Variants in OR2L3 observed in about 807,000 individuals in gnomAD.
OR2L3 encodes the protein olfactory receptor 2L3.
For missense variants in OR2L3, 369 were observed against 376.6 expected (o/e 0.98, Z 0.17); for synonymous variants, 131 against 139.1 (o/e 0.94, Z 0.41).
chr1:248,055,404 T>C (rs1332174087), intron 1 of OR2L3, among the ~76,000 whole-genome samples: 1 of 152,152 alleles, frequency 6.6e-6, no homozygotes, highest in South Asian at 2.1e-4. Flanking sequence ...AAGTTTTCTT[T>C]TTTTTTTGTT....
At chr1:248,052,383 G>A (rs1663288796) in intron 1 of OR2L3, among the ~76,000 whole-genome samples, 1 of 152,054 alleles carries the variant, frequency 6.6e-6, no homozygotes. Flanking sequence ...TATATGTCTG[G>A]TGCCATTGCC....
intron 1 of OR2L3, among the ~76,000 whole-genome samples, chr1:248,057,706 T>G (rs1663478489): frequency 6.6e-6 from 1 of 152,188 alleles, no homozygotes; most frequent in Non-Finnish European, 1.5e-5. Flanking sequence ...GTATAAAGTT[T>G]TTAACTCCTT....
chr1:248,052,775 C>A (rs1663311354), intron 1 of OR2L3, among the ~76,000 whole-genome samples: 1 of 151,454 alleles, frequency 6.6e-6, no homozygotes, highest in Non-Finnish European at 1.5e-5. Context: ...AAATTTTGTT[C>A]TTTTTCCAAA....
At chr1:248,047,319 C>G (rs1373472593) in intron 1 of OR2L3, among the ~76,000 whole-genome samples, 1 of 151,520 alleles carries the variant, frequency 6.6e-6, no homozygotes, top group East Asian at 1.9e-4. Flanking sequence ...CTTATTGCTA[C>G]TTCTCACTTT....
At chr1:248,056,754 T>A (rs975437546) in intron 1 of OR2L3, among the ~76,000 whole-genome samples, 1 of 150,724 alleles carries the variant, frequency 6.6e-6, no homozygotes, top group African/African-American at 2.4e-5. Flanking sequence ...TTCAAGCAAT[T>A]CTCCTGCCTC....
In OR2L3 at chr1:248,062,296, G is replaced by T. The variant is rs1257471307; in HGVS notation, c.*676G>T. ...GGAACATGCCAGCAGTAATAAAAAT[G>T]ATTACATTTAGGTCTTTAACCTGTT... On this transcript the variant is annotated 3_prime_UTR_variant, in exon 2 of 2. Transcript: ENST00000359959. 6.6e-6 allele frequency: 1 copy of T among 152,182 alleles called. No homozygotes were observed. Among genetic ancestry groups the T allele is most frequent in the East Asian group, 1.9e-4 (1 of 5,202 alleles). The allele number at this position is 152,182 out of a possible 1,614,324, so 9.4% of individuals were successfully genotyped here.
intron 1 of OR2L3, among the ~76,000 whole-genome samples, chr1:248,055,495 C>G (rs1449177109): frequency 6.6e-6 from 1 of 152,078 alleles, no homozygotes; most frequent in African/African-American, 2.4e-5. Context: ...GTGACTCATG[C>G]CTGTAATCCC....
intron 1 of OR2L3, among the ~76,000 whole-genome samples, chr1:248,060,240 T>A (rs1663579520): frequency 2.0e-5 from 3 of 152,212 alleles, no homozygotes; most frequent in Admixed American, 2.0e-4. Context: ...AATAGAGATA[T>A]CTTTCTTATA....
chr1:248,048,716 T>G (rs1367901520), intron 1 of OR2L3, among the ~76,000 whole-genome samples: 1 of 152,214 alleles, frequency 6.6e-6, no homozygotes, highest in African/African-American at 2.4e-5. Context: ...CGGAGATCAG[T>G]TTCTGGAAGT....
Position 248,061,808 on chromosome 1 carries a change from T to C in OR2L3, c.*188T>C, listed in dbSNP as rs1268216230. The stretch of plus-strand genomic sequence containing the variant: ...ATATATAACTCCAAACAACCTTTTT[T>C]CTTCATGGCATTGTTTCCATAAATT... On this transcript the variant is annotated 3_prime_UTR_variant, in exon 2 of 2. Transcript: ENST00000359959. 9.6e-5 allele frequency: 43 copies of C among 449,310 alleles called. No individual in the cohort carries two copies. Among genetic ancestry groups the C allele is most frequent in the Non-Finnish European group, 1.4e-4 (38 of 262,238 alleles). 27.8% of individuals were successfully genotyped at this position (449,310 alleles called of 1,614,324 possible).
intron 1 of OR2L3, among the ~76,000 whole-genome samples, chr1:248,049,379 G>C (rs1255630238): frequency 2.0e-5 from 3 of 152,194 alleles, no homozygotes; most frequent in African/African-American, 7.2e-5. Context: ...TTCTTCATTT[G>C]AAACTTGGGC....
intron 1 of OR2L3, among the ~76,000 whole-genome samples, chr1:248,049,414 A>G (rs1234572221): frequency 6.6e-6 from 1 of 152,222 alleles, no homozygotes; most frequent in Non-Finnish European, 1.5e-5. Flanking sequence ...CGTAAATATT[A>G]CGTTGAATAT....
intron 1 of OR2L3, among the ~76,000 whole-genome samples, chr1:248,049,939 T>C (rs1255844274): frequency 1.3e-5 from 2 of 152,234 alleles, no homozygotes; most frequent in Non-Finnish European, 2.9e-5. Flanking sequence ...TATGTGTGTT[T>C]GTGGATCTAG....
chr1:248,047,038 T>G (rs1407360211), intron 1 of OR2L3, among the ~76,000 whole-genome samples, 158 bp downstream of exon 1: 1 of 152,148 alleles, frequency 6.6e-6, no homozygotes, highest in Non-Finnish European at 1.5e-5. Context: ...AATCTTGGAG[T>G]ATGAAATGCA....
At chr1:248,060,598 A>C (rs767286634) in intron 1 of OR2L3, 63 bp from the exon 2 acceptor site, 66 of 1,081,408 alleles carry the variant, frequency 6.1e-5, no homozygotes, top group Non-Finnish European at 8.4e-5. Context: ...AGGGGCTTCA[A>C]ATGCATTCCC....
intron 1 of OR2L3, among the ~76,000 whole-genome samples, chr1:248,051,001 C>A (rs1255905719): frequency 6.6e-6 from 1 of 152,096 alleles, no homozygotes; most frequent in Non-Finnish European, 1.5e-5. Context: ...TTTATTAGTG[C>A]AAATATACTT....
chr1:248,060,689 A>G lies in OR2L3; in HGVS notation c.8A>G (p.Asn3Ser), dbSNP rs1663595120. 2 of 1,611,728 alleles carry G rather than the reference A, an allele frequency of 1.2e-6. No individual in the cohort carries two copies. The highest frequency in any genetic ancestry group is 1.7e-6 in the Non-Finnish European group (2 of 1,178,392). ...AGAGCACACGAATGCCCCATGGAAA[A>G]TTACAATCAAACATCAACTGATTTC... ME[N>S]YNQTSTDFIL... Residue 3 changes from asparagine to serine, a missense_variant, in exon 2 of 2, where the codon AAT (asparagine) becomes AGT (serine). Asn to Ser is a conservative substitution (Grantham distance 46, BLOSUM62 1). Transcript: ENST00000359959.
At chr1:248,057,872 T>C (rs1262561583) in intron 1 of OR2L3, among the ~76,000 whole-genome samples, 1 of 152,230 alleles carries the variant, frequency 6.6e-6, no homozygotes, top group Admixed American at 6.5e-5. Context: ...TTATTTATTA[T>C]TTATCCTAAG....
chr1:248,061,708 T>A lies in OR2L3; in HGVS notation c.*88T>A. ...TAAAATATTATTTCAATCCTAGAGT[T>A]CAGGAGCTAAAAGTAATCAAGGTAA... On this transcript the variant is annotated 3_prime_UTR_variant, in exon 2 of 2. Coordinates refer to ENST00000359959, the MANE Select transcript of OR2L3 (RefSeq NM_001004687.2). The A allele has an allele frequency of 8.1e-7, 1 of 1,235,796 alleles. No homozygotes were observed. The highest frequency in any genetic ancestry group is 1.1e-6 in the Non-Finnish European group (1 of 915,810). The allele number at this position is 1,235,796 out of a possible 1,614,324, so 76.6% of individuals were successfully genotyped here.
Sources: gnomAD v4.1 joint callset for allele counts (sites outside exome capture counted in the v4.1 genomes callset) on GRCh38, gnomAD v4.1.1 for gene constraint, MANE v1.5 for transcripts, NCBI Gene and HGNC (gene_info 2026-07-23, HGNC 2026-07-21) for gene names.